The following USP40 variants were observed in gnomAD, a reference collection of about 807,000 sequenced individuals.
The protein encoded by USP40 is ubiquitin specific peptidase 40.
USP40 carries 143 observed loss-of-function variants against 166.2 expected under a neutral mutation model. The observed-to-expected ratio is 0.86, with a 90% confidence interval of 0.75 to 0.99. The LOEUF (loss-of-function observed/expected upper bound fraction) is 0.99. USP40 is among the 50% of genes least tolerant of loss of function. The pLI is 0.00. For missense variants in USP40, 1,444 were observed against 1,479.7 expected, an observed-to-expected ratio of 0.98 and a Z score of 0.40; for synonymous variants, 498 against 524.0, an observed-to-expected ratio of 0.95 and a Z score of 0.68.
chr2:233,565,534 T>C lies in USP40; in HGVS notation c.21A>G (p.Glu7=). The C allele has an allele frequency of 1.3e-6, 2 of 1,537,248 alleles. No homozygotes were observed. The highest frequency in any genetic ancestry group is 1.7e-6 in the Non-Finnish European group (2 of 1,146,824). Residue 7 remains glutamate, a synonymous_variant, in exon 2 of 32, where the codon GAA becomes GAG. Coordinates refer to ENST00000678225, the MANE Select transcript of USP40 (RefSeq NM_001365479.2). ...TATTAGACACAGTGGAATACTCCTCTTCAAACAGGTCCCCAAACATTGTGA... is the reference window on the plus strand; with the variant it reads ...TATTAGACACAGTGGAATACTCCTCCTCAAACAGGTCCCCAAACATTGTGA... MFGDLF[E]EEYSTVSNNQ...
In USP40 at chr2:233,493,398, G is replaced by A. The variant is rs767368334; in HGVS notation, c.2917+27C>T. ...ATTTACTTCTCTTTATGATGCACTG[G>A]CTGCTGAAATCCCATTCTGTTCTCA... On this transcript the variant is annotated intron_variant, in intron 25 of 31. Transcript: ENST00000678225. The surrounding 1 kb of genome is among the most constrained non-coding windows in gnomAD (Gnocchi z 4.7). 6.2e-7 allele frequency: 1 copy of A among 1,613,850 alleles called. No homozygotes were observed. The highest frequency in any genetic ancestry group is 1.7e-5 in the Admixed American group (1 of 59,988).
chr2:233,551,795 T>C (rs1559280378), intron 6 of USP40, among the ~76,000 whole-genome samples: 1 of 152,200 alleles, frequency 6.6e-6, no homozygotes, highest in Non-Finnish European at 1.5e-5. Context: ...GTGGTGCCTA[T>C]TTCCTGCCCA....
intron 30 of USP40, 144 bp downstream of exon 30, chr2:233,485,387 T>C: frequency 1.4e-6 from 1 of 719,628 alleles, no homozygotes; most frequent in East Asian, 2.7e-5. Flanking sequence ...AGTTGTCCAG[T>C]TTTCCCTCTT....
At chr2:233,554,145 A>T (rs2070835070) in intron 6 of USP40, among the ~76,000 whole-genome samples, 1 of 152,242 alleles carries the variant, frequency 6.6e-6, no homozygotes, top group African/African-American at 2.4e-5. Flanking sequence ...GATACTTACG[A>T]AACACTGAGG....
Position 233,511,912 on chromosome 2 carries a change from T to C in USP40, c.2438-115A>G, listed in dbSNP as rs903847184. The C allele has an allele frequency of 6.1e-5, 49 of 806,454 alleles. No homozygotes were observed. In the South Asian group the frequency reaches 7.9e-4, roughly 13 times the overall value. The allele number at this position is 806,454 out of a possible 1,614,324, so 50.0% of individuals were successfully genotyped here. ...CAAGAATATCAAGAAAGAAGAAAAA[T>C]GAGTTGCACTTCAGACAAAAGGATT... On this transcript the variant is annotated intron_variant, in intron 19 of 31. Transcript: ENST00000678225.
chr2:233,480,367 G>A lies in USP40; in HGVS notation c.3599+836C>T, dbSNP rs2064490487. On this transcript the variant is annotated intron_variant, in intron 31 of 31. Coordinates refer to ENST00000678225, the MANE Select transcript of USP40 (RefSeq NM_001365479.2). The surrounding 1 kb of genome is among the most constrained non-coding windows in gnomAD (Gnocchi z 4.5). ...AGACCCAGAGTCCGTGAGTCGGGGA[G>A]TGGGGGAGGATGAGGACGCCTGGGG... 1.3e-5 allele frequency among the ~76,000 whole-genome samples: 2 copies of A among 152,260 alleles called. No individual in the cohort carries two copies. The highest frequency in any genetic ancestry group is 4.1e-4 in the South Asian group (2 of 4,838).
chr2:233,537,041 A>C (rs1231743565), intron 10 of USP40, among the ~76,000 whole-genome samples: 1 of 152,046 alleles, frequency 6.6e-6, no homozygotes, highest in Non-Finnish European at 1.5e-5. Flanking sequence ...GCACCACCGC[A>C]TCCAGCTAAT....
chr2:233,508,986 G>A (rs1383928886), intron 21 of USP40, among the ~76,000 whole-genome samples: 1 of 152,154 alleles, frequency 6.6e-6, no homozygotes, highest in African/African-American at 2.4e-5. Flanking sequence ...CGGCTTCACT[G>A]CTTTCTGTGA....
chr2:233,486,904 T>C lies in USP40; in HGVS notation c.3198-927A>G, dbSNP rs1408905679. Among the ~76,000 whole-genome samples the C allele has an allele frequency of 3.3e-5, 5 of 152,120 alleles. No individual in the cohort carries two copies. Among genetic ancestry groups the C allele is most frequent in the Non-Finnish European group, 2.9e-5 (2 of 68,018 alleles). On this transcript the variant is annotated intron_variant, in intron 28 of 31. Coordinates refer to ENST00000678225, the MANE Select transcript of USP40 (RefSeq NM_001365479.2). This position sits in a 1 kb window ranked among gnomAD's most constrained non-coding sequence, Gnocchi z 4.0. Reference sequence around the variant, plus strand: ...AGGACAGAAAGGGCATCGGCACAGATGCTGAAGTTGCCAAGGAGGGGACAG... The same window carrying C: ...AGGACAGAAAGGGCATCGGCACAGACGCTGAAGTTGCCAAGGAGGGGACAG...
intron 21 of USP40, among the ~76,000 whole-genome samples, chr2:233,508,187 T>C (rs2066561241): frequency 6.6e-6 from 1 of 152,232 alleles, no homozygotes; most frequent in Non-Finnish European, 1.5e-5. Flanking sequence ...AAAATGATTA[T>C]GACAGCTAAA....
intron 21 of USP40, among the ~76,000 whole-genome samples, chr2:233,503,299 TTTTCTCA>T (rs1364261086): frequency 6.6e-6 from 1 of 151,984 alleles, no homozygotes; most frequent in Non-Finnish European, 1.5e-5. Context: ...AATGAACAAG[TTTTCTCA>T]TTGTAGAAGT....
At chr2:233,532,916 G>T (rs2068655867) in intron 11 of USP40, among the ~76,000 whole-genome samples, 1 of 152,056 alleles carries the variant, frequency 6.6e-6, no homozygotes, top group Admixed American at 6.5e-5. Flanking sequence ...ACGAGAGAGT[G>T]AGGCTGCATC....
intron 11 of USP40, among the ~76,000 whole-genome samples, chr2:233,529,752 TTTAAGTA>T (rs2068346994): frequency 6.6e-6 from 1 of 152,124 alleles, no homozygotes; most frequent in Non-Finnish European, 1.5e-5. Flanking sequence ...TTTCAACTCT[TTTAAGTA>T]TACTTTTTAA....
chr2:233,529,460 A>T lies in USP40; in HGVS notation c.1524T>A (p.Asp508Glu). The change falls in exon 12 of 32, where the codon GAT (aspartate) becomes GAA (glutamate). Residue 508 changes from aspartate to glutamate, a missense_variant. Asp to Glu is a conservative substitution (Grantham distance 45). Transcript: ENST00000678225. ...GVPCHLLNEM[D>E]AANIELQTKR... ...TGGTTTGCAGTTCAATGTTAGCTGC[A>T]TCCATTTCATTCAGTAAATGACATG... is the stretch of plus-strand genomic sequence containing the variant. 1 of 1,581,464 alleles carries T rather than the reference A, an allele frequency of 6.3e-7. No homozygotes were observed.
At chr2:233,479,635 G>GTA (rs1376946612) in intron 31 of USP40, among the ~76,000 whole-genome samples, 1 of 150,600 alleles carries the variant, frequency 6.6e-6, no homozygotes, top group Non-Finnish European at 1.5e-5. Flanking sequence ...TTACGTGTGT[G>GTA]TGTGTGTGTG....
chr2:233,511,903 G>A, intron 19 of USP40, 106 bp from the exon 20 acceptor site: 1 of 912,878 alleles, frequency 1.1e-6, no homozygotes. Flanking sequence ...TATCAAGAAA[G>A]AAGAAAAATG....
intron 13 of USP40, among the ~76,000 whole-genome samples, 197 bp downstream of exon 13, chr2:233,527,210 T>A (rs1431519780): frequency 6.6e-6 from 1 of 152,158 alleles, no homozygotes; most frequent in Non-Finnish European, 1.5e-5. Context: ...GAAAAGCTGC[T>A]GGTAGGAGCT....
chr2:233,554,601 T>C (rs1015506336), intron 5 of USP40, 75 bp from the exon 6 acceptor site: 1 of 1,200,106 alleles, frequency 8.3e-7, no homozygotes, highest in Admixed American at 2.6e-5. Flanking sequence ...CACATATATA[T>C]TGGGAATAAT....
At chr2:233,557,337 G>A (rs1210183499) in intron 4 of USP40, among the ~76,000 whole-genome samples, 1 of 152,216 alleles carries the variant, frequency 6.6e-6, no homozygotes, top group African/African-American at 2.4e-5. Context: ...GATATACCAG[G>A]CACAGACCAG....
Sources: gnomAD v4.1 joint callset for allele counts (sites outside exome capture counted in the v4.1 genomes callset) on GRCh38, gnomAD v4.1.1 for gene constraint, Gnocchi (gnomAD v3.1) non-coding constraint, MANE v1.5 for transcripts, NCBI Gene and HGNC (gene_info 2026-07-23, HGNC 2026-07-21) for gene names.